CD163L1: variants seen among roughly 807,000 people sequenced by gnomAD.
CD163L1 encodes the protein scavenger receptor cysteine-rich type 1 protein M160.
A neutral mutation model predicts 165.4 loss-of-function variants in CD163L1; 124 were observed. The observed-to-expected ratio is 0.75, with a 90% CI of 0.65 to 0.87. CD163L1 has a LOEUF of 0.87. Ranked by LOEUF, CD163L1 falls within the 40% of genes least tolerant of loss-of-function variation. The pLI is 0.00. For missense variants in CD163L1, 1,525 were observed against 1,799.9 expected, an observed-to-expected ratio of 0.85 and a Z score of 2.76; for synonymous variants, 585 against 662.2, an observed-to-expected ratio of 0.88 and a Z score of 1.79.
Position 7,374,721 on chromosome 12 carries a change from G to C in CD163L1, c.3130C>G (p.Arg1044Gly). The C allele has an allele frequency of 6.2e-7, 1 of 1,614,000 alleles. No individual in the cohort carries two copies. Among genetic ancestry groups the C allele is most frequent in the Non-Finnish European group, 8.5e-7 (1 of 1,179,924 alleles). The change falls in exon 13 of 20, where the codon CGC becomes GGC. Residue 1044 changes from arginine (R) to glycine (G), a missense_variant. By Grantham distance (125) the Arg-to-Gly change is moderately radical. Coordinates refer to ENST00000313599, the MANE Select transcript of CD163L1 (RefSeq NM_174941.6). The surrounding 1 kb of genome is among the most constrained non-coding windows in gnomAD (Gnocchi z 5.4). ...KRLRLVDGDS[R>G]CAGRVEIYHD... ...TAGATCTCTACTCTCCCGGCACAGC[G>C]GCTGTCCCCATCCACTAGGCGGAGC...
chr12:7,381,468 T>C (rs1342928666), intron 8 of CD163L1, among the ~76,000 whole-genome samples: 1 of 152,208 alleles, frequency 6.6e-6, no homozygotes, highest in Non-Finnish European at 1.5e-5. Flanking sequence ...AGAGTTGTAA[T>C]GTATTTCCAT....
chr12:7,407,462 G>T (rs1948048185), intron 4 of CD163L1, among the ~76,000 whole-genome samples: 1 of 151,850 alleles, frequency 6.6e-6, no homozygotes, highest in Non-Finnish European at 1.5e-5. Context: ...TAAATTATGG[G>T]CTTGTTATAT....
intron 10 of CD163L1, 31 bp from the exon 11 acceptor site, chr12:7,375,626 T>C: frequency 1.2e-6 from 2 of 1,610,312 alleles, no homozygotes; most frequent in Admixed American, 1.7e-5. Context: ...AGAAGAGACA[T>C]CATGACTTAT....
Position 7,362,617 on chromosome 12 carries a change from A to G in CD163L1, c.4279+4619T>C, listed in dbSNP as rs12231147. ...ATATAAATTTATAGCTTATTATAAT[A>G]TAGTATAAATATAAATATATATAAT... On this transcript the variant is annotated intron_variant, in intron 18 of 19. Coordinates refer to ENST00000313599, the MANE Select transcript of CD163L1 (RefSeq NM_174941.6). Among the ~76,000 whole-genome samples, 4,105 of 145,030 alleles carry G rather than the reference A, an allele frequency of 0.028. 413 individuals are homozygous for G. In the East Asian group the frequency reaches 0.36, roughly 13 times the overall value.
At chr12:7,324,518 G>A in the CD163L1 span, 10 of 1,613,880 alleles carry the variant, frequency 6.2e-6, no homozygotes, top group Admixed American at 1.0e-4. Flanking sequence ...TGGGCCATTT[G>A]AAGTGGAGAG....
At chr12:7,353,120 A>C (rs773199961), downstream of CD163L1, among the ~76,000 whole-genome samples, 62 of 152,168 alleles carry the variant, frequency 4.1e-4, no homozygotes, top group Admixed American at 1.4e-3. Context: ...AGAAGAAATA[A>C]AATCTGTAAA....
intron 6 of CD163L1, among the ~76,000 whole-genome samples, chr12:7,401,029 G>C (rs12306216): frequency 0.12 from 17,743 of 152,130 alleles, 1,970 homozygotes; most frequent in African/African-American, 0.28. Flanking sequence ...GGAAAAAGCT[G>C]TCATTTGTTA....
At chr12:7,429,230 T>C (rs959374836) in intron 4 of CD163L1, among the ~76,000 whole-genome samples, 7 of 152,064 alleles carry the variant, frequency 4.6e-5, no homozygotes, top group Non-Finnish European at 1.0e-4. Context: ...GGGGCTATTA[T>C]GACATTTAAA....
At chr12:7,423,627 T>G (rs1449721782) in intron 4 of CD163L1, among the ~76,000 whole-genome samples, 1 of 151,562 alleles carries the variant, frequency 6.6e-6, no homozygotes, top group Non-Finnish European at 1.5e-5. Context: ...ATAGACACAA[T>G]AAAAAATGAT....
Position 7,439,989 on chromosome 12 carries a change from C to T in CD163L1, c.124+1165G>A, listed in dbSNP as rs1295551045. 9.7e-6 allele frequency: 15 copies of T among 1,544,252 alleles called. No individual in the cohort carries two copies. The East Asian group carries it at 3.1e-4, about 32-fold the overall frequency. ...TCGCTCCCTCCGCAGCCTGCTCCAT[C>T]CTAGCAGCTCCGCAAACCGCCGAGG... On this transcript the variant is annotated intron_variant, in intron 2 of 19. Transcript: ENST00000313599.
chr12:7,362,792 G>A (rs1330126037), intron 18 of CD163L1, among the ~76,000 whole-genome samples: 1 of 150,016 alleles, frequency 6.7e-6, no homozygotes, highest in Non-Finnish European at 1.5e-5. Flanking sequence ...TGTCTACCCA[G>A]AGGAAAAGAA....
the CD163L1 span, among the ~76,000 whole-genome samples, chr12:7,319,780 C>T: frequency 1.3e-5 from 2 of 152,064 alleles, no homozygotes; most frequent in Non-Finnish European, 2.9e-5. Flanking sequence ...GAGATCTCTA[C>T]ATCAGGTTTA....
At chr12:7,380,609 T>C (rs1381011429) in intron 8 of CD163L1, among the ~76,000 whole-genome samples, 3 of 151,958 alleles carry the variant, frequency 2.0e-5, no homozygotes, top group African/African-American at 7.3e-5. Context: ...AATAATACAA[T>C]GGACTTTGAG....
chr12:7,440,447 A>G (rs774597299), intron 2 of CD163L1, among the ~76,000 whole-genome samples: 1 of 151,768 alleles, frequency 6.6e-6, no homozygotes, highest in South Asian at 2.1e-4. Context: ...CCTTGAATTC[A>G]TCTTTTTATG....
At chr12:7,363,044 A>G (rs1946938443) in intron 18 of CD163L1, among the ~76,000 whole-genome samples, 2 of 152,092 alleles carry the variant, frequency 1.3e-5, no homozygotes, top group African/African-American at 2.4e-5. Context: ...AATATACACG[A>G]AATAACAGTA....
At chr12:7,397,238 C>T (rs2136501293) in intron 7 of CD163L1, among the ~76,000 whole-genome samples, 1 of 152,294 alleles carries the variant, frequency 6.6e-6, no homozygotes, top group African/African-American at 2.4e-5. Context: ...ATTAGATTGG[C>T]TGGCTGCTCC....
the CD163L1 span, among the ~76,000 whole-genome samples, chr12:7,321,102 C>T: frequency 6.6e-6 from 1 of 152,126 alleles, no homozygotes; most frequent in Non-Finnish European, 1.5e-5. Context: ...AGTCTAAGAA[C>T]CACTGGAATA....
At chr12:7,435,134 A>C (rs913072636) in intron 2 of CD163L1, among the ~76,000 whole-genome samples, 4 of 152,022 alleles carry the variant, frequency 2.6e-5, no homozygotes, top group African/African-American at 9.7e-5. Flanking sequence ...GATATTTGCC[A>C]TTTCTATTTT....
the CD163L1 span, among the ~76,000 whole-genome samples, chr12:7,320,414 T>C: frequency 5.3e-5 from 8 of 152,206 alleles, no homozygotes; most frequent in African/African-American, 1.9e-4. Context: ...AAGAGGTAAG[T>C]TGTAGCCCTG....
Sources: gnomAD v4.1 joint callset for allele counts (sites outside exome capture counted in the v4.1 genomes callset) on GRCh38, gnomAD v4.1.1 for gene constraint, Gnocchi (gnomAD v3.1) non-coding constraint, MANE v1.5 for transcripts, NCBI Gene and HGNC (gene_info 2026-07-23, HGNC 2026-07-21) for gene names.